ERBB4: variants seen among roughly 807,000 people sequenced by gnomAD.
ERBB4 encodes receptor tyrosine-protein kinase erbB-4.
A neutral mutation model predicts 158.0 loss-of-function variants in ERBB4; 42 were observed. That is an observed-to-expected ratio of 0.27 (90% CI 0.21 to 0.34). The LOEUF (loss-of-function observed/expected upper bound fraction) is 0.34. Ranked by LOEUF, ERBB4 falls within the 10% of genes least tolerant of loss-of-function variation. The probability of loss-of-function intolerance (pLI) is 1.00; values close to 1 mark genes in which losing one functional copy is unlikely to be tolerated. For missense variants in ERBB4, 1,333 were observed against 1,624.1 expected (o/e 0.82, Z 3.08); for synonymous variants, 583 against 558.7 (o/e 1.04, Z -0.61).
intron 2 of ERBB4, among the ~76,000 whole-genome samples, chr2:212,058,515 G>A (rs568190808): frequency 6.6e-6 from 1 of 152,252 alleles, no homozygotes; most frequent in South Asian, 2.1e-4. Flanking sequence ...CAATATCCCT[G>A]ATGAACATCA....
chr2:211,518,050 T>C (rs532132001), intron 20 of ERBB4, among the ~76,000 whole-genome samples: 1 of 152,196 alleles, frequency 6.6e-6, no homozygotes, highest in Admixed American at 6.5e-5. Flanking sequence ...GTATCTACTC[T>C]TATTATCTAT....
intron 1 of ERBB4, among the ~76,000 whole-genome samples, chr2:212,397,884 C>T (rs1574844700): frequency 2.6e-5 from 4 of 151,988 alleles, no homozygotes; most frequent in Admixed American, 2.6e-4. Context: ...TTTATAATAT[C>T]TATAGTGTTG....
chr2:212,441,842 C>T (rs746884609), intron 1 of ERBB4, among the ~76,000 whole-genome samples: 5 of 152,116 alleles, frequency 3.3e-5, no homozygotes, highest in Admixed American at 1.3e-4. Flanking sequence ...GGGATGGTGG[C>T]GTGGATTAAT....
At chr2:212,233,308 T>G (rs1201679000) in intron 1 of ERBB4, among the ~76,000 whole-genome samples, 1 of 152,140 alleles carries the variant, frequency 6.6e-6, no homozygotes, top group Non-Finnish European at 1.5e-5. Context: ...AGACCAAGAC[T>G]TATGTGGTGA....
At position 211,387,978 on chromosome 2, in the gene ERBB4, G is replaced by A. The variant is rs2125322806; in HGVS notation, c.3150C>T (p.His1050=). ...RIDSNRSEIG[H]SPPPAYTPMS... ...TGGGGGTGTAGGCAGGAGGAGGGCT[G>A]TGTCCAATTTCACTCTAATAGGAAA... Residue 1050 remains histidine (H), a synonymous_variant, in exon 26 of 28, where the codon CAC becomes CAT. Coordinates refer to ENST00000342788, the MANE Select transcript of ERBB4 (RefSeq NM_005235.3). 2 of 1,605,584 alleles carry A rather than the reference G, an allele frequency of 1.2e-6. No homozygotes were observed. The highest frequency in any genetic ancestry group is 8.5e-7 in the Non-Finnish European group (1 of 1,172,384).
chr2:211,872,157 A>G (rs1468798051), intron 3 of ERBB4, among the ~76,000 whole-genome samples: 1 of 152,240 alleles, frequency 6.6e-6, no homozygotes, highest in African/African-American at 2.4e-5. Context: ...ATGAAAAAAT[A>G]CATATATAAA....
Position 211,494,517 on chromosome 2 carries a change from T to C in ERBB4, c.2488-63417A>G, listed in dbSNP as rs181280043. On this transcript the variant is annotated intron_variant, in intron 20 of 27. Transcript: ENST00000342788. ...CTTTGACTTCACTCTGTTTTGATAG[T>C]GCATAGCCAGTCTGTAACTGAGTTC... Among the ~76,000 whole-genome samples the C allele has an allele frequency of 1.1e-4, 17 of 152,276 alleles. No individual in the cohort carries two copies. The East Asian group carries it at 2.7e-3, about 24-fold the overall frequency.
intron 19 of ERBB4, among the ~76,000 whole-genome samples, chr2:211,576,183 A>T (rs547995867): frequency 6.6e-6 from 1 of 152,166 alleles, no homozygotes; most frequent in Non-Finnish European, 1.5e-5. Flanking sequence ...AAGAAAATAT[A>T]TGGTGTCACA....
chr2:212,249,457 A>AT (rs2084446014), intron 1 of ERBB4, among the ~76,000 whole-genome samples: 1 of 151,014 alleles, frequency 6.6e-6, no homozygotes, highest in African/African-American at 2.4e-5. Flanking sequence ...AGGTTGAAAC[A>AT]TACAATTAGC....
intron 4 of ERBB4, among the ~76,000 whole-genome samples, chr2:211,756,903 T>C (rs2075298939): frequency 6.6e-6 from 1 of 152,220 alleles, no homozygotes; most frequent in South Asian, 2.1e-4. Flanking sequence ...TCTCATGTCT[T>C]AGAGTTTATT....
intron 20 of ERBB4, among the ~76,000 whole-genome samples, chr2:211,504,063 C>T (rs531859156): frequency 2.1e-4 from 32 of 152,250 alleles, no homozygotes; most frequent in South Asian, 1.7e-3. Context: ...GGAGGTCAAA[C>T]TGCAGGGCCA....
At chr2:211,426,122 T>TAAACAAACAGCAAC (rs1416930014) in intron 22 of ERBB4, among the ~76,000 whole-genome samples, 1 of 20,774 alleles carries the variant, frequency 4.8e-5, no homozygotes, top group Non-Finnish European at 8.4e-5. Flanking sequence ...TAATAGAAAA[T>TAAACAAACAGCAAC]ATAAAATACA....
intron 2 of ERBB4, among the ~76,000 whole-genome samples, chr2:212,114,973 T>C (rs891546988): frequency 6.6e-6 from 1 of 152,196 alleles, no homozygotes; most frequent in Admixed American, 6.5e-5. Context: ...CTGGGCATCA[T>C]GATAGACACT....
chr2:212,158,671 T>C (rs2081114658), intron 1 of ERBB4, among the ~76,000 whole-genome samples: 1 of 152,014 alleles, frequency 6.6e-6, no homozygotes, highest in African/African-American at 2.4e-5. Flanking sequence ...GTGTATTCTC[T>C]AAGGAAAGAG....
chr2:211,999,438 G>A (rs2076054154), intron 2 of ERBB4, among the ~76,000 whole-genome samples: 2 of 151,672 alleles, frequency 1.3e-5, no homozygotes, highest in Admixed American at 1.3e-4. Flanking sequence ...TCTCATTTTT[G>A]CAGGGGTATC....
chr2:212,196,682 T>A (rs1559720290), intron 1 of ERBB4, among the ~76,000 whole-genome samples: 1 of 152,310 alleles, frequency 6.6e-6, no homozygotes, highest in East Asian at 1.9e-4. Context: ...TGTTTACTGA[T>A]CTGACATAAT....
intron 18 of ERBB4, among the ~76,000 whole-genome samples, chr2:211,621,838 G>C (rs942225086): frequency 4.6e-5 from 7 of 151,372 alleles, no homozygotes; most frequent in African/African-American, 1.7e-4. Flanking sequence ...TTTAAATTTT[G>C]TCAATGTCAC....
At chr2:212,465,481 G>T (rs1452413905) in intron 1 of ERBB4, among the ~76,000 whole-genome samples, 1 of 152,116 alleles carries the variant, frequency 6.6e-6, no homozygotes, top group Non-Finnish European at 1.5e-5. Flanking sequence ...TTTACAAAGT[G>T]TTTTCCTACA....
At chr2:211,905,915 T>G (rs72933735) in intron 3 of ERBB4, among the ~76,000 whole-genome samples, 1 of 150,172 alleles carries the variant, frequency 6.7e-6, no homozygotes, top group Non-Finnish European at 1.5e-5. Flanking sequence ...ACCAAAGAGG[T>G]AGGGTGTTTG....
Sources: allele counts gnomAD v4.1 joint callset (sites outside exome capture counted in the v4.1 genomes callset), GRCh38; gene constraint gnomAD v4.1.1; transcripts MANE v1.5; gene names NCBI Gene and HGNC (gene_info 2026-07-23, HGNC 2026-07-21).